PTPRF: variants seen among roughly 807,000 people sequenced by gnomAD.
The protein encoded by PTPRF is protein tyrosine phosphatase receptor type F, also known as receptor-type tyrosine-protein phosphatase F.
A neutral mutation model predicts 201.8 loss-of-function variants in PTPRF; 59 were observed. The ratio of observed to expected loss-of-function variants is 0.29; its 90% CI spans 0.24 to 0.36. PTPRF has a LOEUF of 0.36. Ranked by LOEUF, PTPRF falls within the 10% of genes least tolerant of loss-of-function variation. PTPRF has a pLI of 1.00. For missense variants in PTPRF, 2,132 were observed against 2,690.5 expected (o/e 0.79, Z 4.59); for synonymous variants, 1,088 against 1,089.7 (o/e 1.00, Z 0.03).
At chr1:43,558,935 G>A (rs1159805739) in intron 5 of PTPRF, among the ~76,000 whole-genome samples, 1 of 152,244 alleles carries the variant, frequency 6.6e-6, no homozygotes, top group Non-Finnish European at 1.5e-5. Flanking sequence ...AGTGGTGTGG[G>A]GAGGGCACTG....
intron 3 of PTPRF, among the ~76,000 whole-genome samples, chr1:43,548,901 G>C (rs1046730994): frequency 6.6e-6 from 1 of 152,234 alleles, no homozygotes; most frequent in Non-Finnish European, 1.5e-5. Flanking sequence ...GAAGAGCCTT[G>C]ATGGTGGCCC....
intron 3 of PTPRF, 128 bp downstream of exon 3, chr1:43,545,294 T>C: frequency 1.0e-6 from 1 of 953,330 alleles, no homozygotes; most frequent in Non-Finnish European, 1.5e-6. Context: ...TTAGACCTTC[T>C]GTCCTAGAGA....
chr1:43,561,462 C>G (rs968253008), intron 5 of PTPRF, among the ~76,000 whole-genome samples: 2 of 152,102 alleles, frequency 1.3e-5, no homozygotes, highest in East Asian at 3.9e-4. Flanking sequence ...TGATCCCTTT[C>G]TATTGTCTAC....
At chr1:43,620,010 C>T in intron 29 of PTPRF, 85 bp from the exon 30 acceptor site, 1 of 1,588,578 alleles carries the variant, frequency 6.3e-7, no homozygotes, top group East Asian at 2.2e-5. Flanking sequence ...GTGATCTGAG[C>T]AGGGCCCCAA....
intron 22 of PTPRF, among the ~76,000 whole-genome samples, chr1:43,610,666 G>A (rs1393030957): frequency 3.3e-5 from 5 of 152,210 alleles, no homozygotes; most frequent in Admixed American, 6.5e-5. Context: ...GATCACCTGA[G>A]GTCAGGAGTT....
chr1:43,613,061 CACCCT>C (rs778896515), intron 22 of PTPRF: 43 of 357,008 alleles, frequency 1.2e-4, no homozygotes, highest in Non-Finnish European at 2.0e-4. Context: ...CCCGGCCTGA[CACCCT>C]TCCTTCTGCG....
chr1:43,605,696 T>A, intron 19 of PTPRF, 74 bp downstream of exon 19: 1 of 1,389,004 alleles, frequency 7.2e-7, no homozygotes, highest in South Asian at 1.2e-5. Context: ...CCCTGAGCAC[T>A]GTCCCAGTGA....
intron 1 of PTPRF, among the ~76,000 whole-genome samples, chr1:43,533,455 A>G (rs993268775): frequency 1.3e-5 from 2 of 152,110 alleles, no homozygotes; most frequent in Admixed American, 1.3e-4. Context: ...AGCCTGAACT[A>G]TGGGAGTCTA....
intron 30 of PTPRF, 48 bp from the exon 31 acceptor site, chr1:43,620,406 C>G: frequency 6.4e-7 from 1 of 1,567,238 alleles, no homozygotes; most frequent in Non-Finnish European, 8.7e-7. Context: ...GGCACCCCTC[C>G]CCTATTCCTT....
chr1:43,580,703 C>CCT (rs75513879), intron 7 of PTPRF, among the ~76,000 whole-genome samples: 16,589 of 152,258 alleles, frequency 0.11, 1,088 homozygotes, highest in African/African-American at 0.18. Context: ...AATGACCCTT[C>CCT]TCAAAGATCT....
chr1:43,617,230 C>T (rs1317492890), intron 23 of PTPRF, among the ~76,000 whole-genome samples: 7 of 152,036 alleles, frequency 4.6e-5, no homozygotes, highest in Non-Finnish European at 1.0e-4. Context: ...GGATTTGGTA[C>T]CATGGTCAGA....
At chr1:43,564,370 C>T (rs1341598819) in intron 5 of PTPRF, among the ~76,000 whole-genome samples, 2 of 152,138 alleles carry the variant, frequency 1.3e-5, no homozygotes, top group African/African-American at 4.8e-5. Context: ...CTGCCACCTA[C>T]GAGGTTCCTT....
intron 7 of PTPRF, among the ~76,000 whole-genome samples, chr1:43,585,249 A>G (rs558005205): frequency 6.6e-6 from 1 of 152,254 alleles, no homozygotes; most frequent in South Asian, 2.1e-4. Context: ...CTGCAGTGAG[A>G]TGCCAGCCAC....
intron 23 of PTPRF, 41 bp downstream of exon 23, chr1:43,613,756 C>T (rs59874388): frequency 2.6e-6 from 4 of 1,536,196 alleles, no homozygotes; most frequent in African/African-American, 1.4e-5. Flanking sequence ...TGGCCCAGGC[C>T]TACCCAAACC....
At position 43,609,510 on chromosome 1, in the gene PTPRF, C is replaced by T. The variant is rs757861769; in HGVS notation, c.3973+12C>T. ...CTACCAGACCCCAGGTAGGGCACTC[C>T]TATGGCCTGTGTGCCCCCAGCCCAG... is the stretch of plus-strand genomic sequence containing the variant. On this transcript the variant is annotated intron_variant, in intron 22 of 33. Transcript: ENST00000359947. 2 of 1,603,644 alleles carry T rather than the reference C, an allele frequency of 1.2e-6. No homozygotes were observed. Among genetic ancestry groups the T allele is most frequent in the Admixed American group, 1.7e-5 (1 of 59,608 alleles).
intron 32 of PTPRF, 27 bp downstream of exon 32, chr1:43,621,019 G>T: frequency 6.2e-7 from 1 of 1,610,678 alleles, no homozygotes; most frequent in South Asian, 1.1e-5. Flanking sequence ...GGAGGGCTGG[G>T]GTGGGTGGGC....
At chr1:43,574,474 A>T (rs1646793102) in intron 6 of PTPRF, among the ~76,000 whole-genome samples, 1 of 152,196 alleles carries the variant, frequency 6.6e-6, no homozygotes, top group African/African-American at 2.4e-5. Context: ...GAGGGACAAC[A>T]TTGGTTTACC....
At chr1:43,604,222 G>A (rs1654490173) in intron 16 of PTPRF, 33 bp downstream of exon 16, 1 of 1,596,546 alleles carries the variant, frequency 6.3e-7, no homozygotes, top group East Asian at 2.2e-5. Context: ...CCCTTCCCGA[G>A]TGTGGCTGCA....
intron 22 of PTPRF, chr1:43,613,117 C>G (rs567173135): frequency 2.4e-4 from 82 of 339,356 alleles, no homozygotes; most frequent in African/African-American, 1.6e-3. Context: ...CTCACACCCC[C>G]CTCCTGGTCT....
Sources: allele counts gnomAD v4.1 joint callset (sites outside exome capture counted in the v4.1 genomes callset), GRCh38; gene constraint gnomAD v4.1.1; transcripts MANE v1.5; gene names NCBI Gene and HGNC (gene_info 2026-07-23, HGNC 2026-07-21).